Variants in TKFC observed in about 807,000 individuals in gnomAD.
TKFC encodes the protein triokinase/FMN cyclase.
In TKFC, 46 loss-of-function variants were observed where a neutral mutation model predicts 61.0. The ratio of observed to expected loss-of-function variants is 0.75; its 90% CI spans 0.60 to 0.96. TKFC has a LOEUF of 0.96. Ranked by LOEUF, TKFC falls within the 50% of genes least tolerant of loss-of-function variation. The pLI is 0.00. For missense variants in TKFC, 715 were observed against 777.5 expected (o/e 0.92, Z 0.96); for synonymous variants, 314 against 330.1 (o/e 0.95, Z 0.53).
chr11:61,336,932 G>A (rs1856631588), intron 2 of TKFC, among the ~76,000 whole-genome samples: 1 of 152,088 alleles, frequency 6.6e-6, no homozygotes, highest in South Asian at 2.1e-4. Context: ...CCTCTGGCTG[G>A]AAGAGCCTCC....
At chr11:61,341,368 C>T (rs1856842517) in intron 5 of TKFC, 68 bp from the exon 6 acceptor site, 2 of 1,514,970 alleles carry the variant, frequency 1.3e-6, no homozygotes, top group Non-Finnish European at 1.8e-6. Flanking sequence ...CATCCCCTGC[C>T]TGTCTTCTAC....
In TKFC at chr11:61,341,466, G is replaced by T; in HGVS notation, c.517G>T (p.Gly173Trp). The T allele has an allele frequency of 6.4e-7, 1 of 1,554,980 alleles. No individual in the cohort carries two copies. The highest frequency in any genetic ancestry group is 2.4e-5 in the East Asian group (1 of 41,254). Residue 173 changes from glycine to tryptophan, a missense_variant, in exon 6 of 18, where the codon GGG (glycine) becomes TGG (tryptophan). By Grantham distance (184) the Gly-to-Trp change is radical (BLOSUM62 -2). Coordinates refer to ENST00000394900, the MANE Select transcript of TKFC (RefSeq NM_015533.4). ...VAGALAEAGVGLEEIAKQVNV... is the reference protein window; with the variant it reads ...VAGALAEAGVWLEEIAKQVNV... Reference sequence around the variant, plus strand: ...AGGTGCTCTGGCTGAGGCTGGTGTGGGGCTGGAGGAGATCGCAAAGCAGGT... The same window carrying T: ...AGGTGCTCTGGCTGAGGCTGGTGTGTGGCTGGAGGAGATCGCAAAGCAGGT...
Position 61,348,540 on chromosome 11 carries a change from C to G in TKFC, c.*2037C>G, listed in dbSNP as rs934030144. 1.0e-6 allele frequency: 1 copy of G among 975,324 alleles called. No homozygotes were observed. Among genetic ancestry groups the G allele is most frequent in the Non-Finnish European group, 1.2e-6 (1 of 820,856 alleles). 60.4% of individuals were successfully genotyped at this position (975,324 alleles called of 1,614,324 possible). ...ATTCCTGTGTTGAAAGGCTCACCCCCACTATGGTAGTGTTAGGACGTGGGG... is the reference window on the plus strand; with the variant it reads ...ATTCCTGTGTTGAAAGGCTCACCCCGACTATGGTAGTGTTAGGACGTGGGG... On this transcript the variant is annotated 3_prime_UTR_variant, in exon 18 of 18. Transcript: ENST00000394900.
downstream of TKFC, chr11:61,353,237 T>C (rs535056713): frequency 3.1e-3 from 4,507 of 1,433,778 alleles, 12 homozygotes; most frequent in Non-Finnish European, 4.0e-3. Flanking sequence ...TCCCTGGCTC[T>C]TCTTTCACAA....
chr11:61,348,519 C>T lies in TKFC; in HGVS notation c.*2016C>T. On this transcript the variant is annotated 3_prime_UTR_variant, in exon 18 of 18. Coordinates refer to ENST00000394900, the MANE Select transcript of TKFC (RefSeq NM_015533.4). ...GAATGTTTGTGTCCCCCCCAAATTC[C>T]TGTGTTGAAAGGCTCACCCCCACTA... The T allele has an allele frequency of 2.0e-6, 2 of 984,650 alleles. No individual in the cohort carries two copies. Among genetic ancestry groups the T allele is most frequent in the Non-Finnish European group, 2.4e-6 (2 of 829,196 alleles). 61.0% of individuals were successfully genotyped at this position (984,650 alleles called of 1,614,324 possible). A position where few individuals can be genotyped will look rare whatever the true frequency, so the allele number is the denominator to read the frequency against.
At chr11:61,350,968 G>C (rs1304666575), downstream of TKFC, 2 of 1,605,474 alleles carry the variant, frequency 1.2e-6, no homozygotes, top group Admixed American at 1.7e-5. Flanking sequence ...TCCCACCCTG[G>C]AATGTGGGAC....
At chr11:61,350,792 G>T, downstream of TKFC, 1 of 705,054 alleles carries the variant, frequency 1.4e-6, no homozygotes, top group Non-Finnish European at 2.2e-6. Flanking sequence ...GGACAGACTG[G>T]GGAGTCCCAG....
intron 9 of TKFC, 25 bp downstream of exon 9, chr11:61,342,683 C>T: frequency 6.2e-7 from 1 of 1,613,890 alleles, no homozygotes; most frequent in Non-Finnish European, 8.5e-7. Context: ...GCCCGCGTCT[C>T]CCAACCCCTC....
rs890628917 is a variant in TKFC at position 61,333,289 on chromosome 11, C to G, written c.-150C>G. The G allele has an allele frequency of 4.1e-6, 1 of 243,502 alleles. No homozygotes were observed. Among genetic ancestry groups the G allele is most frequent in the Non-Finnish European group, 7.8e-6 (1 of 127,534 alleles). 15.1% of individuals were successfully genotyped at this position (243,502 alleles called of 1,614,324 possible). On this transcript the variant is annotated 5_prime_UTR_variant, in exon 1 of 18. Transcript: ENST00000394900. ...TCGGGGTCTCCGGGAAGTCGCGGCG[C>G]CTTCGGATGTGGCGGATGCGGCCGT...
At chr11:61,337,486 A>G (rs961110155) in intron 2 of TKFC, among the ~76,000 whole-genome samples, 1 of 152,164 alleles carries the variant, frequency 6.6e-6, no homozygotes, top group Non-Finnish European at 1.5e-5. Context: ...GGCCTGGCAT[A>G]CCAAGAGGCT....
chr11:61,334,477 T>A, intron 1 of TKFC, 143 bp from the exon 2 acceptor site: 1 of 511,574 alleles, frequency 2.0e-6, no homozygotes. Context: ...CCCACACTCT[T>A]CTCCATCCGT....
intron 5 of TKFC, among the ~76,000 whole-genome samples, chr11:61,339,842 C>T (rs1057244529): frequency 1.3e-5 from 2 of 152,130 alleles, no homozygotes; most frequent in African/African-American, 2.4e-5. Flanking sequence ...ACACTACTGC[C>T]AGAGGTGTCT....
At position 61,342,312 on chromosome 11, in the gene TKFC, G is replaced by A. The variant is rs548427902; in HGVS notation, c.656-149G>A. The A allele has an allele frequency of 7.9e-6, 8 of 1,006,878 alleles. No homozygotes were observed. In the African/African-American group the frequency reaches 1.1e-4, roughly 14 times the overall value. 62.4% of individuals were successfully genotyped at this position (1,006,878 alleles called of 1,614,324 possible). A position where few individuals can be genotyped will look rare whatever the true frequency, so the allele number is the denominator to read the frequency against. On this transcript the variant is annotated intron_variant, in intron 7 of 17. Coordinates refer to ENST00000394900, the MANE Select transcript of TKFC (RefSeq NM_015533.4). ...CCAGGCCACAAGCTCCCAGAGAACA[G>A]AGATCGTGTTTTTCATTATTCTGTC... is the stretch of plus-strand genomic sequence containing the variant.
chr11:61,352,454 G>A (rs967856402), downstream of TKFC: 1 of 161,366 alleles, frequency 6.2e-6, no homozygotes, highest in Non-Finnish European at 1.4e-5. Flanking sequence ...GAGGTCAGGA[G>A]TCCGAGACCA....
chr11:61,344,107 G>T (rs1195114276), intron 12 of TKFC, 29 bp from the exon 13 acceptor site: 1 of 1,610,580 alleles, frequency 6.2e-7, no homozygotes, highest in Admixed American at 1.7e-5. Flanking sequence ...GGCCTGGTGG[G>T]CCTGTTCTTC....
At chr11:61,345,169 C>T (rs1208270620) in intron 13 of TKFC, 91 bp from the exon 14 acceptor site, 13 of 1,078,620 alleles carry the variant, frequency 1.2e-5, no homozygotes, top group Admixed American at 2.6e-5. Flanking sequence ...ACTTCCCTGT[C>T]GGCCTTTTCC....
downstream of TKFC, chr11:61,352,604 C>T (rs7940665): frequency 0.89 from 195,874 of 220,772 alleles, 91,032 homozygotes; most frequent in Non-Finnish European, 1. Context: ...GAGGTTGCAG[C>T]GAGCCAAGAT....
downstream of TKFC, chr11:61,352,522 A>T (rs1268856418): frequency 5.9e-6 from 1 of 170,334 alleles, no homozygotes; most frequent in South Asian, 1.2e-4. Flanking sequence ...TTAGCCGGGC[A>T]TGGTGGCACA....
intron 5 of TKFC, among the ~76,000 whole-genome samples, chr11:61,340,944 G>T (rs1660312224): frequency 6.6e-6 from 1 of 152,138 alleles, no homozygotes; most frequent in South Asian, 2.1e-4. Context: ...CAATTTATGG[G>T]TATCTGCTTC....
Sources: gnomAD v4.1 joint callset for allele counts (sites outside exome capture counted in the v4.1 genomes callset) on GRCh38, gnomAD v4.1.1 for gene constraint, MANE v1.5 for transcripts, NCBI Gene and HGNC (gene_info 2026-07-23, HGNC 2026-07-21) for gene names.